FLI1: variants seen among roughly 807,000 people sequenced by gnomAD.
The protein encoded by FLI1 is Friend leukemia integration 1 transcription factor.
A neutral mutation model predicts 53.1 loss-of-function variants in FLI1; 13 were observed. That is an observed-to-expected ratio of 0.24 (90% CI 0.16 to 0.39). FLI1 has a LOEUF of 0.39. Ranked by LOEUF, FLI1 falls within the 10% of genes least tolerant of loss-of-function variation. FLI1 has a pLI of 1.00. For missense variants in FLI1, 424 were observed against 600.5 expected (o/e 0.71, Z 3.07); for synonymous variants, 244 against 236.7 (o/e 1.03, Z -0.28).
chr11:128,799,975 A>G (rs1942579972), intron 5 of FLI1, among the ~76,000 whole-genome samples: 1 of 152,174 alleles, frequency 6.6e-6, no homozygotes, highest in African/African-American at 2.4e-5. Flanking sequence ...CGGACAGCCC[A>G]ACAACAAAGA....
At chr11:128,787,900 G>A (rs914530031) in intron 5 of FLI1, among the ~76,000 whole-genome samples, 5 of 147,208 alleles carry the variant, frequency 3.4e-5, no homozygotes, top group African/African-American at 1.3e-4. Context: ...TCCACCTCCC[G>A]GGTTCACGCC....
intron 1 of FLI1, among the ~76,000 whole-genome samples, chr11:128,711,036 G>A (rs1317049683): frequency 6.6e-6 from 1 of 152,156 alleles, no homozygotes; most frequent in Non-Finnish European, 1.5e-5. Context: ...TACAAACATG[G>A]AAATGTCCTG....
At chr11:128,742,009 T>A (rs753485949) in intron 1 of FLI1, among the ~76,000 whole-genome samples, 2 of 152,206 alleles carry the variant, frequency 1.3e-5, no homozygotes, top group African/African-American at 2.4e-5. Flanking sequence ...TCATCTAAGC[T>A]TCAAACATAG....
At chr11:128,785,969 AC>A (rs1565499466) in intron 5 of FLI1, among the ~76,000 whole-genome samples, 1 of 152,230 alleles carries the variant, frequency 6.6e-6, no homozygotes. Context: ...TAAATTGTAC[AC>A]TTAAAATGGT....
At chr11:128,687,676 T>C (rs1937603512) in intron 1 of FLI1, among the ~76,000 whole-genome samples, 1 of 152,020 alleles carries the variant, frequency 6.6e-6, no homozygotes, top group Admixed American at 6.5e-5. Flanking sequence ...TGGCCCTGTG[T>C]GATGGGATGC....
chr11:128,688,154 A>T (rs1416723954), intron 1 of FLI1, among the ~76,000 whole-genome samples: 2 of 152,054 alleles, frequency 1.3e-5, no homozygotes, highest in Non-Finnish European at 2.9e-5. Context: ...TCTCCCACTC[A>T]TAGGAACCCT....
Position 128,810,999 on chromosome 11 carries a change from A to G in FLI1, c.*11A>G. ...GGCAGCTACTACTAGAAGCTTACTC[A>G]TCAGTGGCCTTCTAGCTGAAGCCCA... On this transcript the variant is annotated 3_prime_UTR_variant, in exon 9 of 9. Coordinates refer to ENST00000527786, the MANE Select transcript of FLI1 (RefSeq NM_002017.5). This position sits in a 1 kb window ranked among gnomAD's most constrained non-coding sequence, Gnocchi z 6.6. 6.2e-7 allele frequency: 1 copy of G among 1,613,814 alleles called. No individual in the cohort carries two copies. The highest frequency in any genetic ancestry group is 8.5e-7 in the Non-Finnish European group (1 of 1,179,696).
In FLI1 at chr11:128,751,980, CT is replaced by C. The variant is rs201322801; in HGVS notation, c.19-6127del. Among the ~76,000 whole-genome samples the C allele has an allele frequency of 4.6e-4, 69 of 151,546 alleles. No individual in the cohort carries two copies. The East Asian group carries it at 0.011, about 24-fold the overall frequency. ...GCCCAGCTTTTTAAACAATTTTTTTCTTTTTTTTCTTTGGAGACAGAGGCTC... is the reference window on the plus strand; with the variant it reads ...GCCCAGCTTTTTAAACAATTTTTTTCTTTTTTTCTTTGGAGACAGAGGCTC... On this transcript the variant is annotated intron_variant, in intron 1 of 8. Coordinates refer to ENST00000527786, the MANE Select transcript of FLI1 (RefSeq NM_002017.5).
At chr11:128,714,804 G>A (rs1311166441) in intron 1 of FLI1, among the ~76,000 whole-genome samples, 4 of 151,026 alleles carry the variant, frequency 2.6e-5, no homozygotes, top group Non-Finnish European at 5.9e-5. Context: ...CGCCTCCCAG[G>A]TTCAAGCAAT....
At chr11:128,690,070 A>T (rs762219313), upstream of FLI1, among the ~76,000 whole-genome samples, 18 of 152,278 alleles carry the variant, frequency 1.2e-4, no homozygotes, top group Non-Finnish European at 1.9e-4. Context: ...AAGCGCATCC[A>T]GGGGCGGCTT....
chr11:128,704,429 G>A (rs552267534), intron 1 of FLI1, among the ~76,000 whole-genome samples: 2 of 152,212 alleles, frequency 1.3e-5, no homozygotes, highest in African/African-American at 2.4e-5. Flanking sequence ...AGGGCCTGAC[G>A]CCACTCTGGG....
intron 5 of FLI1, among the ~76,000 whole-genome samples, chr11:128,799,473 A>G (rs1245233622): frequency 2.7e-4 from 41 of 152,204 alleles, no homozygotes; most frequent in Admixed American, 2.7e-3. Context: ...AGCACCTGTT[A>G]TTAATGCTTT....
chr11:128,771,022 C>A (rs915423568), intron 3 of FLI1, among the ~76,000 whole-genome samples: 4 of 152,220 alleles, frequency 2.6e-5, no homozygotes, highest in Non-Finnish European at 4.4e-5. Flanking sequence ...TTAGTGAAGT[C>A]CTATAATGGT....
At chr11:128,709,476 C>T (rs1017126977) in intron 1 of FLI1, among the ~76,000 whole-genome samples, 1 of 152,180 alleles carries the variant, frequency 6.6e-6, no homozygotes, top group Non-Finnish European at 1.5e-5. Flanking sequence ...CCATCCCCTA[C>T]AAATGCACAA....
At chr11:128,696,647 C>T (rs1053504752) in intron 1 of FLI1, among the ~76,000 whole-genome samples, 1 of 152,164 alleles carries the variant, frequency 6.6e-6, no homozygotes, top group Non-Finnish European at 1.5e-5. Flanking sequence ...CTAAATCCAG[C>T]CCTACACTGA....
rs1185176433 is a variant in FLI1, at chr11:128,810,306, G to A, written c.830-153G>A. ...GCAAGCAGAAAGGCAAATCAACAAT[G>A]ACATAAGAAGGGCTTGTCAAGTCGA... On this transcript the variant is annotated intron_variant, in intron 8 of 8. Transcript: ENST00000527786. The surrounding 1 kb of genome is among the most constrained non-coding windows in gnomAD (Gnocchi z 6.6). Among the ~76,000 whole-genome samples, 2 of 151,890 alleles carry A rather than the reference G, an allele frequency of 1.3e-5. No homozygotes were observed. Among genetic ancestry groups the A allele is most frequent in the Non-Finnish European group, 2.9e-5 (2 of 68,006 alleles).
chr11:128,704,974 T>A (rs1469747177), intron 1 of FLI1, among the ~76,000 whole-genome samples: 1 of 152,210 alleles, frequency 6.6e-6, no homozygotes, highest in African/African-American at 2.4e-5. Flanking sequence ...ATGTAATATT[T>A]CCATTTTGAA....
At chr11:128,735,639 A>G (rs1939883137) in intron 1 of FLI1, among the ~76,000 whole-genome samples, 1 of 152,214 alleles carries the variant, frequency 6.6e-6, no homozygotes, top group African/African-American at 2.4e-5. Context: ...TAAGATAGGA[A>G]AGGTAACTTT....
chr11:128,802,722 G>T (rs1942669813), intron 5 of FLI1, among the ~76,000 whole-genome samples: 1 of 152,220 alleles, frequency 6.6e-6, no homozygotes, highest in Admixed American at 6.5e-5. Context: ...AGGCCCTGGG[G>T]CACCACAGAA....
Sources: gnomAD v4.1 joint callset for allele counts (sites outside exome capture counted in the v4.1 genomes callset) on GRCh38, gnomAD v4.1.1 for gene constraint, Gnocchi (gnomAD v3.1) non-coding constraint, MANE v1.5 for transcripts, NCBI Gene and HGNC (gene_info 2026-07-23, HGNC 2026-07-21) for gene names.